Variants in NDUFV2 observed in about 807,000 individuals in gnomAD.
NDUFV2 encodes NADH dehydrogenase [ubiquinone] flavoprotein 2, mitochondrial.
In NDUFV2, 18 loss-of-function variants were observed where a neutral mutation model predicts 31.6. That is an observed-to-expected ratio of 0.57 (90% CI 0.39 to 0.84). The LOEUF (loss-of-function observed/expected upper bound fraction) is 0.84, where lower values mean the gene tolerates loss of function less well. NDUFV2 is among the 40% of genes least tolerant of loss of function. The pLI is 0.00. For missense variants in NDUFV2, 314 were observed against 303.6 expected (o/e 1.03, Z -0.26); for synonymous variants, 83 against 99.8 (o/e 0.83, Z 1.01).
chr18:9,105,239 C>T (rs1442045925), intron 1 of NDUFV2, among the ~76,000 whole-genome samples: 5 of 152,220 alleles, frequency 3.3e-5, no homozygotes, highest in African/African-American at 4.8e-5. Flanking sequence ...ATTATTTACG[C>T]TTTCAAAGAA....
chr18:9,104,886 A>G, intron 1 of NDUFV2: 1 of 1,470,800 alleles, frequency 6.8e-7, no homozygotes, highest in South Asian at 1.4e-5. Flanking sequence ...AAAATCATCC[A>G]TTGTCTTGTC....
intron 7 of NDUFV2, among the ~76,000 whole-genome samples, chr18:9,133,962 A>T (rs914294911): frequency 6.6e-6 from 1 of 152,312 alleles, no homozygotes; most frequent in African/African-American, 2.4e-5. Flanking sequence ...TATTAGGGCT[A>T]CTTTTGTATT....
intron 1 of NDUFV2, among the ~76,000 whole-genome samples, chr18:9,112,017 G>GTTTTTTT (rs10659823): frequency 1.6e-5 from 2 of 122,384 alleles, no homozygotes; most frequent in African/African-American, 3.2e-5. Flanking sequence ...CATCAGAAGG[G>GTTTTTTT]TTTTTTTTTT....
chr18:9,119,562 G>T lies in NDUFV2; in HGVS notation c.272G>T (p.Gly91Val). The stretch of plus-strand genomic sequence containing the variant: ...CTGGATTTAGCCCAAAGGCAGAATG[G>T]GTGGTTGCCCATCTCTGCTATGAAC... ...PVLDLAQRQNGWLPISAMNKV... is the reference protein window; with the variant it reads ...PVLDLAQRQNVWLPISAMNKV... The change falls in exon 4 of 8, where the codon GGG (glycine) becomes GTG (valine). Residue 91 changes from glycine to valine, a missense_variant. Coordinates refer to ENST00000318388, the MANE Select transcript of NDUFV2 (RefSeq NM_021074.5). 6.2e-7 allele frequency: 1 copy of T among 1,613,646 alleles called. No homozygotes were observed. The highest frequency in any genetic ancestry group is 1.1e-5 in the South Asian group (1 of 91,066).
At position 9,117,899 on chromosome 18, in the gene NDUFV2, T is replaced by G. The variant is rs756896914; in HGVS notation, c.116T>G (p.Phe39Cys). Reference protein sequence around the residue: ...VMQNGAGGALFVHRDTPENNP... With the variant: ...VMQNGAGGALCVHRDTPENNP... The stretch of plus-strand genomic sequence containing the variant: ...CAAAATGGAGCTGGAGGAGCTTTAT[T>G]TGTGGTAAGTAATTACTTAGATTTC... Residue 39 changes from phenylalanine to cysteine, a missense_variant, in exon 2 of 8, where the codon TTT (phenylalanine) becomes TGT (cysteine). Physicochemically the swap from Phe to Cys is radical, Grantham distance 205. Transcript: ENST00000318388. The G allele has an allele frequency of 1.8e-5, 28 of 1,586,834 alleles. 1 individual carries two copies. The East Asian group carries it at 5.8e-4, about 33-fold the overall frequency.
At chr18:9,112,426 G>T (rs2077876270) in intron 1 of NDUFV2, 1 of 152,208 alleles carries the variant, frequency 6.6e-6, no homozygotes, top group Non-Finnish European at 1.5e-5. Context: ...ATGAAATAAT[G>T]TCTGAAATAG....
Position 9,126,822 on chromosome 18 carries a change from T to TG in NDUFV2, c.580-9_580-8insG, listed in dbSNP as rs1435859381. 2 of 1,609,308 alleles carry TG rather than the reference T, an allele frequency of 1.2e-6. No homozygotes were observed. Among genetic ancestry groups the TG allele is most frequent in the Admixed American group, 3.3e-5 (2 of 60,018 alleles). The stretch of plus-strand genomic sequence containing the variant: ...ATTTAAATATGACTATTGTTAATTT[T>TG]TTTTCCAGGAGGATTTGACAGCTAA... On this transcript the variant is annotated splice_polypyrimidine_tract_variant and intron_variant, in intron 6 of 7. Transcript: ENST00000318388.
intron 4 of NDUFV2, among the ~76,000 whole-genome samples, chr18:9,121,824 T>C (rs2077938239): frequency 6.6e-6 from 1 of 152,198 alleles, no homozygotes; most frequent in Non-Finnish European, 1.5e-5. Flanking sequence ...AATTGTTTTC[T>C]ATTAATGTCT....
At chr18:9,105,002 T>C in intron 1 of NDUFV2, 4 of 1,521,344 alleles carry the variant, frequency 2.6e-6, no homozygotes, top group South Asian at 1.3e-5. Context: ...TTTGGTAGCC[T>C]GCTCTTTTGT....
chr18:9,133,491 T>C (rs907518291), intron 7 of NDUFV2: 1 of 152,330 alleles, frequency 6.6e-6, no homozygotes, highest in African/African-American at 2.4e-5. Context: ...TTGCTTCCTT[T>C]TGTGGCTGCT....
In NDUFV2 at chr18:9,122,783, G is replaced by A. The variant is rs4148968; in HGVS notation, c.469+102G>A. 26 of 1,114,332 alleles carry A rather than the reference G, an allele frequency of 2.3e-5. No individual in the cohort carries two copies. In the East Asian group the frequency reaches 6.6e-4, roughly 28 times the overall value. The allele number at this position is 1,114,332 out of a possible 1,614,324, so 69.0% of individuals were successfully genotyped here. ...ATTTCCAACTTCTGCCATCTTATTG[G>A]ATCTGTACTTACCTAGTAATATTTT... On this transcript the variant is annotated intron_variant, in intron 5 of 7. Coordinates refer to ENST00000318388, the MANE Select transcript of NDUFV2 (RefSeq NM_021074.5).
At position 9,122,498 on chromosome 18, in the gene NDUFV2, G is replaced by T. The variant is rs750670257; in HGVS notation, c.301-15G>T. The T allele has an allele frequency of 6.3e-7, 1 of 1,589,464 alleles. No homozygotes were observed. Among genetic ancestry groups the T allele is most frequent in the Non-Finnish European group, 8.6e-7 (1 of 1,158,278 alleles). ...CACTGTAATTATCTTATTTTTAAAT[G>T]TCCTAATATTTTAGGTTGCAGAAGT... On this transcript the variant is annotated splice_polypyrimidine_tract_variant and intron_variant, in intron 4 of 7. Coordinates refer to ENST00000318388, the MANE Select transcript of NDUFV2 (RefSeq NM_021074.5).
At chr18:9,106,156 C>T (rs2077840783) in intron 1 of NDUFV2, among the ~76,000 whole-genome samples, 1 of 152,168 alleles carries the variant, frequency 6.6e-6, no homozygotes, top group South Asian at 2.1e-4. Context: ...CAGAGATTTC[C>T]GTAGAATTTA....
intron 1 of NDUFV2, among the ~76,000 whole-genome samples, chr18:9,114,720 C>T (rs1266008727): frequency 6.6e-6 from 1 of 151,994 alleles, no homozygotes; most frequent in African/African-American, 2.4e-5. Flanking sequence ...CTGTTTTTTT[C>T]CTAGAGTTTA....
intron 1 of NDUFV2, chr18:9,103,396 G>A: frequency 2.8e-6 from 1 of 354,648 alleles, no homozygotes; most frequent in South Asian, 1.5e-4. Context: ...GGATTTTAGA[G>A]ATTAAATGAT....
intron 7 of NDUFV2, among the ~76,000 whole-genome samples, chr18:9,129,331 A>G (rs2078020467): frequency 6.6e-6 from 1 of 152,092 alleles, no homozygotes; most frequent in Admixed American, 6.5e-5. Context: ...TGCCACACAA[A>G]TTGATACCTG....
At chr18:9,103,918 T>G in intron 1 of NDUFV2, 1 of 453,688 alleles carries the variant, frequency 2.2e-6, no homozygotes, top group Non-Finnish European at 3.9e-6. Flanking sequence ...CCACATCTCA[T>G]TTTTGAGGCT....
At chr18:9,118,035 C>G in intron 2 of NDUFV2, 132 bp downstream of exon 2, 1 of 682,378 alleles carries the variant, frequency 1.5e-6, no homozygotes, top group Non-Finnish European at 2.7e-6. Context: ...TTACATACAG[C>G]TAATTGAATT....
intron 4 of NDUFV2, 76 bp downstream of exon 4, chr18:9,119,666 C>A: frequency 8.4e-7 from 1 of 1,184,952 alleles, no homozygotes; most frequent in Non-Finnish European, 1.3e-6. Flanking sequence ...AGAAATTACT[C>A]TGATCATCTC....
Sources: allele counts gnomAD v4.1 joint callset (sites outside exome capture counted in the v4.1 genomes callset), GRCh38; gene constraint gnomAD v4.1.1; transcripts MANE v1.5; gene names NCBI Gene and HGNC (gene_info 2026-07-23, HGNC 2026-07-21).